The following TRIM54 variants were observed in gnomAD, a reference collection of about 807,000 sequenced individuals.
The protein encoded by TRIM54 is tripartite motif-containing protein 54.
TRIM54 carries 40 observed loss-of-function variants against 42.0 expected under a neutral mutation model. That is an observed-to-expected ratio of 0.95 (90% CI 0.74 to 1.24). The LOEUF (loss-of-function observed/expected upper bound fraction) is 1.24, where lower values mean the gene tolerates loss of function less well. Ranked by LOEUF, TRIM54 falls within the 50% of genes most tolerant of loss-of-function variation. The pLI, the probability that TRIM54 is intolerant of heterozygous loss-of-function variation, is 0.00. For synonymous variants in TRIM54, 199 were observed against 194.9 expected (o/e 1.02, Z -0.17); for missense variants, 485 against 480.3 (o/e 1.01, Z -0.09).
At chr2:27,299,478 T>A in intron 3 of TRIM54, 62 bp downstream of exon 3, 1 of 1,583,404 alleles carries the variant, frequency 6.3e-7, no homozygotes, top group Non-Finnish European at 8.6e-7. Context: ...GGTCTCAGTG[T>A]CAGCCTCTTA....
intron 1 of TRIM54, among the ~76,000 whole-genome samples, chr2:27,291,061 A>T (rs1678706119): frequency 6.6e-6 from 1 of 152,104 alleles, no homozygotes; most frequent in African/African-American, 2.4e-5. Flanking sequence ...ATTTTAAAAC[A>T]CTCACTTTTA....
chr2:27,306,012 G>A lies in TRIM54; in HGVS notation c.844-68G>A. 1 of 1,600,286 alleles carries A rather than the reference G, an allele frequency of 6.2e-7. No homozygotes were observed. The highest frequency in any genetic ancestry group is 1.3e-5 in the African/African-American group (1 of 74,810). On this transcript the variant is annotated intron_variant, in intron 5 of 8. Coordinates refer to ENST00000380075, the MANE Select transcript of TRIM54 (RefSeq NM_187841.3). The surrounding 1 kb of genome is among the most constrained non-coding windows in gnomAD (Gnocchi z 6.1). ...CACCTACCCCGCAGGACTGTGGTGA[G>A]ATTCAGAAATGGGACTTTGCCCAGG...
intron 3 of TRIM54, among the ~76,000 whole-genome samples, chr2:27,302,133 A>T (rs1679053457): frequency 6.6e-6 from 1 of 151,362 alleles, no homozygotes; most frequent in African/African-American, 2.4e-5. Context: ...CAGCCTGGGC[A>T]ACAAGAGCAA....
Position 27,307,164 on chromosome 2 carries a change from T to C in TRIM54, c.*279T>C. Reference sequence around the variant, plus strand: ...CACCTCTGTGATGCCAGGAGCGAACTGGTGAGCCCAGCGCCCTGGGAAGAG... The same window carrying C: ...CACCTCTGTGATGCCAGGAGCGAACCGGTGAGCCCAGCGCCCTGGGAAGAG... On this transcript the variant is annotated 3_prime_UTR_variant, in exon 9 of 9. Transcript: ENST00000380075. The surrounding 1 kb of genome is among the most constrained non-coding windows in gnomAD (Gnocchi z 6.9). 6.1e-6 allele frequency: 2 copies of C among 329,816 alleles called. No homozygotes were observed. Among genetic ancestry groups the C allele is most frequent in the South Asian group, 3.3e-5 (1 of 30,200 alleles). 20.4% of individuals were successfully genotyped at this position (329,816 alleles called of 1,614,324 possible). A position where few individuals can be genotyped will look rare whatever the true frequency, so the allele number is the denominator to read the frequency against.
At position 27,298,604 on chromosome 2, in the gene TRIM54, C is replaced by T. The variant is rs1468408400; in HGVS notation, c.206C>T (p.Thr69Ile). 1 of 1,614,168 alleles carries T rather than the reference C, an allele frequency of 6.2e-7. No homozygotes were observed. Among genetic ancestry groups the T allele is most frequent in the South Asian group, 1.1e-5 (1 of 91,084 alleles). Reference protein sequence around the residue: ...NPLWQSRGSTTVSSGGRFRCP... With the variant: ...NPLWQSRGSTIVSSGGRFRCP... ...CTATGGCAGTCCCGGGGCTCCACCA[C>T]TGTGTCTTCAGGAGGCCGTTTCCGC... Residue 69 changes from threonine (T) to isoleucine (I), a missense_variant, in exon 2 of 9, where the codon ACT becomes ATT. Thr to Ile is a moderately conservative substitution (Grantham distance 89, BLOSUM62 -1). Transcript: ENST00000380075.
intron 1 of TRIM54, among the ~76,000 whole-genome samples, chr2:27,293,525 G>A (rs1195859744): frequency 6.6e-6 from 1 of 152,148 alleles, no homozygotes; most frequent in East Asian, 1.9e-4. Context: ...CAGACAAACA[G>A]GTCATTCTGG....
Position 27,306,027 on chromosome 2 carries a change from CT to C in TRIM54, c.844-50del. On this transcript the variant is annotated intron_variant, in intron 5 of 8. Transcript: ENST00000380075. The surrounding 1 kb of genome is among the most constrained non-coding windows in gnomAD (Gnocchi z 6.1). The stretch of plus-strand genomic sequence containing the variant: ...ACTGTGGTGAGATTCAGAAATGGGA[CT>C]TTGCCCAGGTTGGCCCAGTGCTTAC... The C allele has an allele frequency of 6.2e-7, 1 of 1,609,886 alleles. No individual in the cohort carries two copies. The highest frequency in any genetic ancestry group is 8.5e-7 in the Non-Finnish European group (1 of 1,177,962).
chr2:27,301,398 C>T (rs1435989937), intron 3 of TRIM54, among the ~76,000 whole-genome samples: 1 of 152,138 alleles, frequency 6.6e-6, no homozygotes, highest in African/African-American at 2.4e-5. Context: ...CCTTGGCCTC[C>T]CAAAGTGCTG....
At position 27,282,776 on chromosome 2, in the gene TRIM54, C is replaced by T. The variant is rs1269312112; in HGVS notation, c.45C>T (p.His15=). 1.2e-6 allele frequency: 2 copies of T among 1,613,810 alleles called. No homozygotes were observed. Among genetic ancestry groups the T allele is most frequent in the Non-Finnish European group, 1.7e-6 (2 of 1,179,924 alleles). Residue 15 remains histidine, a synonymous_variant, in exon 1 of 9, where the codon CAC becomes CAT. Transcript: ENST00000380075. The part of the protein sequence containing the change: ...VGFKPLLGDA[H]SMDNLEKQLI... ...TCAAGCCGCTGCTAGGGGATGCACA[C>T]AGCATGGACAACCTGGAGAAGCAGC...
chr2:27,290,398 T>TG (rs1448170215), intron 1 of TRIM54, among the ~76,000 whole-genome samples: 3 of 152,210 alleles, frequency 2.0e-5, no homozygotes, highest in African/African-American at 7.2e-5. Flanking sequence ...CCGGGCCCAG[T>TG]GGCTCATGCC....
chr2:27,306,607 G>A lies in TRIM54; in HGVS notation c.*1+65G>A. The A allele has an allele frequency of 7.0e-7, 1 of 1,422,144 alleles. No homozygotes were observed. The highest frequency in any genetic ancestry group is 9.4e-7 in the Non-Finnish European group (1 of 1,068,948). 88.1% of individuals were successfully genotyped at this position (1,422,144 alleles called of 1,614,324 possible). On this transcript the variant is annotated intron_variant, in intron 8 of 8. Transcript: ENST00000380075. The surrounding 1 kb of genome is among the most constrained non-coding windows in gnomAD (Gnocchi z 6.1). ...GAGGGGCTTGGGGTGGGGCCTGGCT[G>A]GTGTGCTCGCGTCCCCTCCCCCAGT...
chr2:27,283,174 G>A (rs775461747), intron 1 of TRIM54, among the ~76,000 whole-genome samples: 1 of 152,162 alleles, frequency 6.6e-6, no homozygotes, highest in Non-Finnish European at 1.5e-5. Context: ...GTGGAAACTG[G>A]GAGGGAGGGT....
rs1298211484 is a variant in TRIM54, at chr2:27,293,997, C to G, written c.169-4570C>G. Among the ~76,000 whole-genome samples, 4 of 152,030 alleles carry G rather than the reference C, an allele frequency of 2.6e-5. No homozygotes were observed. The South Asian group carries it at 8.3e-4, about 32-fold the overall frequency. ...AAGATCCTGCCACTGCACTCCAGCC[C>G]GACGACAGAGTGAGACTCTGTCTCA... On this transcript the variant is annotated intron_variant, in intron 1 of 8. Coordinates refer to ENST00000380075, the MANE Select transcript of TRIM54 (RefSeq NM_187841.3).
In TRIM54 at chr2:27,306,509, G is replaced by T; in HGVS notation, c.1045G>T (p.Gly349Trp). The change falls in exon 8 of 9, where the codon GGG (glycine) becomes TGG (tryptophan). Residue 349 changes from glycine to tryptophan, a missense_variant. Physicochemically the swap from Gly to Trp is radical, Grantham distance 184. Coordinates refer to ENST00000380075, the MANE Select transcript of TRIM54 (RefSeq NM_187841.3). The surrounding 1 kb of genome is among the most constrained non-coding windows in gnomAD (Gnocchi z 6.1). ...VAPDGEEGSAGPEEERPDGP is the reference protein window; with the variant it reads ...VAPDGEEGSAWPEEERPDGP ...CCCAGACGGAGAGGAGGGCAGCGCG[G>T]GGCCGGAGGAAGAGCGGCCGGATGG... The T allele has an allele frequency of 6.4e-7, 1 of 1,571,878 alleles. No homozygotes were observed. The highest frequency in any genetic ancestry group is 8.6e-7 in the Non-Finnish European group (1 of 1,158,138).
chr2:27,298,796 A>AACCC, intron 2 of TRIM54, 57 bp downstream of exon 2: 1 of 1,566,892 alleles, frequency 6.4e-7, no homozygotes, highest in South Asian at 1.2e-5. Flanking sequence ...ACAGCCAAGG[A>AACCC]ACCCATCAGA....
chr2:27,301,983 G>A (rs1052575047), intron 3 of TRIM54, among the ~76,000 whole-genome samples: 21 of 152,208 alleles, frequency 1.4e-4, no homozygotes, highest in Admixed American at 7.2e-4. Flanking sequence ...ATGAAACCCT[G>A]TCTCTACTAA....
At chr2:27,297,044 C>T (rs891523115) in intron 1 of TRIM54, among the ~76,000 whole-genome samples, 12 of 152,260 alleles carry the variant, frequency 7.9e-5, no homozygotes, top group Non-Finnish European at 1.6e-4. Flanking sequence ...CAGGCATGAG[C>T]CACCACACCC....
intron 3 of TRIM54, 47 bp from the exon 4 acceptor site, chr2:27,304,912 C>A: frequency 6.3e-7 from 1 of 1,574,810 alleles, no homozygotes; most frequent in Non-Finnish European, 8.7e-7. Context: ...AGGGGTGTAG[C>A]TCTAGGCCAG....
intron 1 of TRIM54, among the ~76,000 whole-genome samples, chr2:27,289,424 C>T (rs569637771): frequency 1.3e-5 from 2 of 152,300 alleles, no homozygotes; most frequent in East Asian, 3.9e-4. Flanking sequence ...TCAAGCAATT[C>T]TCCTGCCTCA....
Sources: gnomAD v4.1 joint callset for allele counts (sites outside exome capture counted in the v4.1 genomes callset) on GRCh38, gnomAD v4.1.1 for gene constraint, Gnocchi (gnomAD v3.1) non-coding constraint, MANE v1.5 for transcripts, NCBI Gene and HGNC (gene_info 2026-07-23, HGNC 2026-07-21) for gene names.